Variants in COL19A1 observed in about 807,000 individuals in gnomAD.
COL19A1 encodes the protein collagen alpha-1(XIX) chain.
In COL19A1, 159 loss-of-function variants were observed where a neutral mutation model predicts 190.2. The observed-to-expected ratio is 0.84, with a 90% confidence interval of 0.73 to 0.95. COL19A1 has a LOEUF of 0.95. COL19A1 is among the 40% of genes least tolerant of loss of function. The pLI, the probability that COL19A1 is intolerant of heterozygous loss-of-function variation, is 0.00. For missense variants in COL19A1, 1,418 were observed against 1,431.9 expected (o/e 0.99, Z 0.16); for synonymous variants, 509 against 458.9 (o/e 1.11, Z -1.39).
intron 30 of COL19A1, among the ~76,000 whole-genome samples, chr6:70,150,746 A>G (rs530073990): frequency 6.6e-6 from 1 of 152,188 alleles, no homozygotes; most frequent in South Asian, 2.1e-4. Flanking sequence ...TTTATAAGCT[A>G]TGTGTGGAGG....
rs556863943 is a variant in COL19A1 at position 69,992,064 on chromosome 6, A to G, written c.1026+29194A>G. ...ATATTTAAGTCTTTAATTCATCTTA[A>G]GTTGATTTTTATATATGGTGAAAGG... On this transcript the variant is annotated intron_variant, in intron 11 of 50. Coordinates refer to ENST00000620364, the MANE Select transcript of COL19A1 (RefSeq NM_001858.6). Among the ~76,000 whole-genome samples, 3 of 152,120 alleles carry G rather than the reference A, an allele frequency of 2.0e-5. No homozygotes were observed. In the South Asian group the frequency reaches 6.2e-4, roughly 32 times the overall value.
chr6:69,977,972 A>G, intron 11 of COL19A1, among the ~76,000 whole-genome samples: 1 of 152,206 alleles, frequency 6.6e-6, no homozygotes, highest in Non-Finnish European at 1.5e-5. Context: ...TCTAAATTTC[A>G]ATAATTTACT....
intron 49 of COL19A1, 29 bp from the exon 50 acceptor site, chr6:70,206,872 T>C (rs919927328): frequency 1.3e-6 from 2 of 1,596,958 alleles, no homozygotes; most frequent in African/African-American, 2.7e-5. Flanking sequence ...CCTTTTTGTG[T>C]GTCTCTTTTT....
At chr6:70,145,225 C>T (rs183093301) in intron 25 of COL19A1, among the ~76,000 whole-genome samples, 5 of 152,180 alleles carry the variant, frequency 3.3e-5, no homozygotes, top group African/African-American at 4.8e-5. Context: ...CAGATGTATT[C>T]GTATGTTCAT....
intron 9 of COL19A1, among the ~76,000 whole-genome samples, chr6:69,941,516 G>A (rs1259037396): frequency 6.6e-6 from 1 of 152,074 alleles, no homozygotes; most frequent in Admixed American, 6.6e-5. Flanking sequence ...CAATTTATTA[G>A]ATGTAAAAAT....
chr6:70,030,578 T>C (rs1779003497), intron 12 of COL19A1, among the ~76,000 whole-genome samples: 1 of 152,246 alleles, frequency 6.6e-6, no homozygotes, highest in African/African-American at 2.4e-5. Flanking sequence ...GTCTTACATG[T>C]TTGCAGACGT....
At chr6:70,102,596 A>C (rs145928122) in intron 16 of COL19A1, among the ~76,000 whole-genome samples, 88 of 152,350 alleles carry the variant, frequency 5.8e-4, no homozygotes, top group Middle Eastern at 3.4e-3. Flanking sequence ...AAAATCAGAC[A>C]TCTGGGGAAG....
Position 69,879,662 on chromosome 6 carries a change from T to A in COL19A1, c.91+4T>A. The stretch of plus-strand genomic sequence containing the variant: ...GTGACCGTTAGGGACAAGACAGGTA[T>A]CCAGGCCAACTCTTTGCCTAATCAC... On this transcript the variant is annotated splice_donor_region_variant and intron_variant, in intron 2 of 50. Coordinates refer to ENST00000620364, the MANE Select transcript of COL19A1 (RefSeq NM_001858.6). The A allele has an allele frequency of 6.2e-7, 1 of 1,613,916 alleles. No individual in the cohort carries two copies. The highest frequency in any genetic ancestry group is 8.5e-7 in the Non-Finnish European group (1 of 1,179,804).
chr6:70,068,290 C>G, intron 14 of COL19A1, 133 bp from the exon 15 acceptor site: 1 of 677,410 alleles, frequency 1.5e-6, no homozygotes, highest in Non-Finnish European at 2.7e-6. Context: ...TTATATAGTT[C>G]AACCTTGAAA....
At position 69,931,148 on chromosome 6, in the gene COL19A1, G is replaced by A. The variant is rs56207027; in HGVS notation, c.666+1448G>A. 7.9e-3 allele frequency among the ~76,000 whole-genome samples: 1,196 copies of A among 152,214 alleles called. 17 individuals carry two copies. The highest frequency in any genetic ancestry group is 0.027 in the African/African-American group (1,115 of 41,538). ...GTGTGAAAATGTGTTTATTTGGGCT[G>A]TGTGTTATTGAAAAAAATTATCATG... On this transcript the variant is annotated intron_variant, in intron 6 of 50. Transcript: ENST00000620364.
At chr6:69,867,871 G>A (rs1436735185) in intron 1 of COL19A1, among the ~76,000 whole-genome samples, 3 of 152,080 alleles carry the variant, frequency 2.0e-5, no homozygotes, top group South Asian at 2.1e-4. Context: ...AGAACAATCC[G>A]TGAATAGAGG....
chr6:69,958,577 G>A lies in COL19A1; in HGVS notation c.937-1419G>A, dbSNP rs1246944553. Among the ~76,000 whole-genome samples, 9 of 152,152 alleles carry A rather than the reference G, an allele frequency of 5.9e-5. No homozygotes were observed. The South Asian group carries it at 1.5e-3, about 25-fold the overall frequency. On this transcript the variant is annotated intron_variant, in intron 9 of 50. Coordinates refer to ENST00000620364, the MANE Select transcript of COL19A1 (RefSeq NM_001858.6). ...AGAAATGTATTTATTATATAGATAA[G>A]TAGATTATATTTTGTTGATTCTGTA...
intron 49 of COL19A1, among the ~76,000 whole-genome samples, chr6:70,205,382 T>A (rs1310368732): frequency 1.3e-5 from 2 of 152,194 alleles, no homozygotes; most frequent in Non-Finnish European, 2.9e-5. Flanking sequence ...AAATAATTGA[T>A]CATACATACT....
At chr6:70,151,460 A>G in intron 31 of COL19A1, 22 bp downstream of exon 31, 2 of 1,608,564 alleles carry the variant, frequency 1.2e-6, no homozygotes, top group South Asian at 2.2e-5. Flanking sequence ...CTATGTAAGA[A>G]ATTATGTGTT....
chr6:70,134,005 C>T (rs959801832), intron 18 of COL19A1, among the ~76,000 whole-genome samples: 2 of 152,184 alleles, frequency 1.3e-5, no homozygotes, highest in Non-Finnish European at 1.5e-5. Flanking sequence ...TCCTCCCCTT[C>T]CCCTTTGATA....
intron 11 of COL19A1, among the ~76,000 whole-genome samples, chr6:69,982,758 G>A (rs1043442441): frequency 1.7e-4 from 25 of 150,654 alleles, no homozygotes; most frequent in African/African-American, 5.6e-4. Flanking sequence ...AGATCACGAC[G>A]TCAGGAGATC....
intron 9 of COL19A1, among the ~76,000 whole-genome samples, chr6:69,951,935 A>G (rs998590521): frequency 2.0e-5 from 3 of 151,918 alleles, no homozygotes; most frequent in Non-Finnish European, 2.9e-5. Flanking sequence ...TCATCTGGAC[A>G]GCTCCTCAAA....
intron 11 of COL19A1, among the ~76,000 whole-genome samples, chr6:69,988,452 A>C (rs191752512): frequency 6.6e-6 from 1 of 152,312 alleles, no homozygotes; most frequent in East Asian, 1.9e-4. Flanking sequence ...ATTAGTTCCC[A>C]GATGAGAAAT....
Position 70,149,882 on chromosome 6 carries a change from C to G in COL19A1, c.1961C>G (p.Thr654Ser). 6.2e-7 allele frequency: 1 copy of G among 1,613,756 alleles called. No homozygotes were observed. Among genetic ancestry groups the G allele is most frequent in the Non-Finnish European group, 8.5e-7 (1 of 1,179,796 alleles). Residue 654 changes from threonine (T) to serine (S), a missense_variant, in exon 29 of 51, where the codon ACT (threonine) becomes AGT (serine). Thr to Ser is a moderately conservative substitution (Grantham distance 58, BLOSUM62 1). Coordinates refer to ENST00000620364, the MANE Select transcript of COL19A1 (RefSeq NM_001858.6). ...CGAGGTCTCCCTGGGTTGCCAGGAA[C>G]TCCAGGGACTCCAGGGAATGATGTA... ...GPRGLPGLPG[T>S]PGTPGNDGVP...
Sources: gnomAD v4.1 joint callset for allele counts (sites outside exome capture counted in the v4.1 genomes callset) on GRCh38, gnomAD v4.1.1 for gene constraint, MANE v1.5 for transcripts, NCBI Gene and HGNC (gene_info 2026-07-23, HGNC 2026-07-21) for gene names.